The following CDH13 variants were observed in gnomAD, a reference collection of about 807,000 sequenced individuals.
The protein encoded by CDH13 is cadherin-13.
CDH13 carries 24 observed loss-of-function variants against 63.8 expected under a neutral mutation model. The ratio of observed to expected loss-of-function variants is 0.38; its 90% CI spans 0.27 to 0.53. The LOEUF (loss-of-function observed/expected upper bound fraction) is 0.53. Ranked by LOEUF, CDH13 falls within the 20% of genes least tolerant of loss-of-function variation. The probability of loss-of-function intolerance (pLI) is 0.85; values close to 1 mark genes in which losing one functional copy is unlikely to be tolerated. For missense variants in CDH13, 1,049 were observed against 903.1 expected, an observed-to-expected ratio of 1.16 and a Z score of -2.07; for synonymous variants, 503 against 355.3, an observed-to-expected ratio of 1.42 and a Z score of -4.67.
Position 83,131,182 on chromosome 16 carries a change from A to ACCCCCC in CDH13, c.483+5695_483+5700dup, listed in dbSNP as rs1173636265. ...GGTGGGGAGTATAAGGGGGTGTATG[A>ACCCCCC]CCCCCCCCCCCCCCCCCCCGCCCAC... On this transcript the variant is annotated intron_variant, in intron 4 of 13. Transcript: ENST00000567109. Among the ~76,000 whole-genome samples, 313 of 86,332 alleles carry ACCCCCC rather than the reference A, an allele frequency of 3.6e-3. 40 individuals carry two copies. Among genetic ancestry groups the ACCCCCC allele is most frequent in the African/African-American group, 0.011 (159 of 14,136 alleles). 56.6% of individuals were successfully genotyped at this position (86,332 alleles called of 152,430 possible).
chr16:83,262,650 A>G (rs1173684196), intron 5 of CDH13, among the ~76,000 whole-genome samples: 1 of 152,220 alleles, frequency 6.6e-6, no homozygotes, highest in Non-Finnish European at 1.5e-5. Flanking sequence ...CTGAAGCAGG[A>G]AAAACATATA....
rs1314413035 is a variant in CDH13 at position 83,015,689 on chromosome 16, A to G, written c.158-16321A>G. Among the ~76,000 whole-genome samples, 521 of 86,868 alleles carry G rather than the reference A, an allele frequency of 6.0e-3. 11 individuals carry two copies. Among genetic ancestry groups the G allele is most frequent in the Middle Eastern group, 0.018 (4 of 228 alleles). 57.0% of individuals were successfully genotyped at this position (86,868 alleles called of 152,430 possible). The stretch of plus-strand genomic sequence containing the variant: ...TGTGTGTGTGTATGTATATATATAT[A>G]TATATATATATATATATATATATAT... On this transcript the variant is annotated intron_variant, in intron 2 of 13. Coordinates refer to ENST00000567109, the MANE Select transcript of CDH13 (RefSeq NM_001257.5).
chr16:83,618,432 A>G (rs1909493374), intron 8 of CDH13, among the ~76,000 whole-genome samples: 1 of 151,940 alleles, frequency 6.6e-6, no homozygotes, highest in Non-Finnish European at 1.5e-5. Context: ...AAAAAAAAAA[A>G]AAGAAAAAGA....
chr16:83,107,282 A>C (rs947061750), intron 3 of CDH13, among the ~76,000 whole-genome samples: 1 of 152,020 alleles, frequency 6.6e-6, no homozygotes, highest in African/African-American at 2.4e-5. Flanking sequence ...AGGGACCCCT[A>C]TGGGGAAATT....
intron 1 of CDH13, among the ~76,000 whole-genome samples, chr16:82,768,254 A>T (rs2035135826): frequency 6.6e-6 from 1 of 152,210 alleles, no homozygotes; most frequent in African/African-American, 2.4e-5. Flanking sequence ...TGTTCCCTGC[A>T]GTGGCCTGAC....
intron 8 of CDH13, among the ~76,000 whole-genome samples, chr16:83,652,579 C>G (rs1007712743): frequency 2.6e-5 from 4 of 152,180 alleles, no homozygotes; most frequent in Admixed American, 6.5e-5. Flanking sequence ...TGTACCCCCT[C>G]TTTACTGGCC....
intron 6 of CDH13, among the ~76,000 whole-genome samples, chr16:83,380,556 A>G (rs7192113): frequency 0.16 from 23,957 of 152,242 alleles, 2,252 homozygotes; most frequent in African/African-American, 0.26. Context: ...TTTATCACAT[A>G]AAAGACATTC....
chr16:83,257,576 C>T (rs977341246), intron 5 of CDH13, among the ~76,000 whole-genome samples: 2 of 152,194 alleles, frequency 1.3e-5, no homozygotes, highest in African/African-American at 4.8e-5. Flanking sequence ...TGAGGCTGCA[C>T]ACCAGCAGCA....
intron 6 of CDH13, among the ~76,000 whole-genome samples, chr16:83,368,215 T>C (rs936946942): frequency 3.3e-5 from 5 of 152,242 alleles, no homozygotes; most frequent in African/African-American, 9.6e-5. Flanking sequence ...GTAGTAGAGC[T>C]ACTGGAGCCC....
At chr16:82,671,133 C>T (rs7191742) in intron 1 of CDH13, among the ~76,000 whole-genome samples, 8,195 of 152,242 alleles carry the variant, frequency 0.054, 266 homozygotes, top group Middle Eastern at 0.13. Flanking sequence ...AAATTGAATA[C>T]AAGTCTGTGC....
At chr16:83,558,276 G>A (rs1202406083) in intron 7 of CDH13, among the ~76,000 whole-genome samples, 1 of 152,168 alleles carries the variant, frequency 6.6e-6, no homozygotes, top group Non-Finnish European at 1.5e-5. Flanking sequence ...TTGGATCAGC[G>A]CGGTACCAGT....
intron 8 of CDH13, among the ~76,000 whole-genome samples, chr16:83,666,776 C>A (rs1300478225): frequency 6.6e-6 from 1 of 152,146 alleles, no homozygotes; most frequent in African/African-American, 2.4e-5. Context: ...GGGAATTTTT[C>A]CCTGATGATC....
rs2041011754 is a variant in CDH13 at position 82,889,643 on chromosome 16, A to G, written c.157+31170A>G. On this transcript the variant is annotated intron_variant, in intron 2 of 13. Transcript: ENST00000567109. ...CAAATGTTGCATCTATATCTTTGTG[A>G]TTAACACCTGACAGATATTTCTATG... Among the ~76,000 whole-genome samples the G allele has an allele frequency of 2.0e-5, 3 of 152,222 alleles. No individual in the cohort carries two copies. The South Asian group carries it at 6.2e-4, about 31-fold the overall frequency.
intron 4 of CDH13, among the ~76,000 whole-genome samples, chr16:83,180,111 A>G (rs769765746): frequency 2.0e-5 from 3 of 151,876 alleles, no homozygotes; most frequent in Non-Finnish European, 4.4e-5. Context: ...TTTAAATTTC[A>G]TTGGTTTAAT....
At chr16:83,684,993 C>T (rs1373154955) in intron 10 of CDH13, among the ~76,000 whole-genome samples, 1 of 152,162 alleles carries the variant, frequency 6.6e-6, no homozygotes, top group Non-Finnish European at 1.5e-5. Flanking sequence ...TTTACCACGT[C>T]TAGGCTGGCA....
At chr16:83,266,408 A>G (rs1255998031) in intron 5 of CDH13, among the ~76,000 whole-genome samples, 1 of 152,216 alleles carries the variant, frequency 6.6e-6, no homozygotes, top group Non-Finnish European at 1.5e-5. Context: ...GGAAATGTTA[A>G]TTGAAATTGT....
chr16:83,269,197 C>G (rs2088719948), intron 5 of CDH13, among the ~76,000 whole-genome samples: 2 of 152,260 alleles, frequency 1.3e-5, no homozygotes, highest in South Asian at 2.1e-4. Context: ...TGTGTCATAA[C>G]CTAACATAGT....
intron 4 of CDH13, among the ~76,000 whole-genome samples, chr16:83,134,824 T>C (rs573363849): frequency 3.5e-4 from 54 of 152,304 alleles, no homozygotes; most frequent in Non-Finnish European, 6.9e-4. Context: ...TTTTGCCAAA[T>C]ACATATATAT....
chr16:82,752,131 A>G (rs555003674), intron 1 of CDH13, among the ~76,000 whole-genome samples: 3 of 152,344 alleles, frequency 2.0e-5, no homozygotes, highest in East Asian at 3.8e-4. Flanking sequence ...CCATAAGCTA[A>G]CAAGGCAGGC....
Sources: allele counts gnomAD v4.1 joint callset (sites outside exome capture counted in the v4.1 genomes callset), GRCh38; gene constraint gnomAD v4.1.1; transcripts MANE v1.5; gene names NCBI Gene and HGNC (gene_info 2026-07-23, HGNC 2026-07-21).